AATF: variants seen among roughly 807,000 people sequenced by gnomAD.
AATF encodes protein AATF.
In AATF, 48 loss-of-function variants were observed where a neutral mutation model predicts 63.7. The ratio of observed to expected loss-of-function variants is 0.75; its 90% CI spans 0.60 to 0.96. AATF has a LOEUF of 0.96. Ranked by LOEUF, AATF falls within the 40% of genes least tolerant of loss-of-function variation. The pLI, the probability that AATF is intolerant of heterozygous loss-of-function variation, is 0.00. For missense variants in AATF, 639 were observed against 685.7 expected, an observed-to-expected ratio of 0.93 and a Z score of 0.76; for synonymous variants, 258 against 247.7, an observed-to-expected ratio of 1.04 and a Z score of -0.39.
At chr17:37,009,823 CAAAA>C (rs1160362372) in intron 8 of AATF, among the ~76,000 whole-genome samples, 15 of 28,780 alleles carry the variant, frequency 5.2e-4, no homozygotes, top group East Asian at 1.9e-3. Context: ...GACTCCGTCT[CAAAA>C]AAAAAAAAAA....
At chr17:37,012,163 C>T (rs1293852477) in intron 8 of AATF, among the ~76,000 whole-genome samples, 1 of 151,992 alleles carries the variant, frequency 6.6e-6, no homozygotes, top group African/African-American at 2.4e-5. Flanking sequence ...AGCGATTTCT[C>T]CTGCCTCAGC....
intron 9 of AATF, 92 bp from the exon 10 acceptor site, chr17:37,020,842 T>C: frequency 9.8e-7 from 1 of 1,021,462 alleles, no homozygotes; most frequent in African/African-American, 1.7e-5. Context: ...GATGATTTCT[T>C]TCTGCAGGGT....
rs180880222 is a variant in AATF, at chr17:36,999,628, G to A, written c.1398+8771G>A. Among the ~76,000 whole-genome samples the A allele has an allele frequency of 1.7e-3, 260 of 152,276 alleles. 2 individuals are homozygous for A. Among genetic ancestry groups the A allele is most frequent in the Non-Finnish European group, 2.8e-3 (190 of 68,036 alleles). The stretch of plus-strand genomic sequence containing the variant: ...CTAGCTTAGAGGTAGGATGAAACAG[G>A]GAACTACATTGTGACAAATGCAGTA... On this transcript the variant is annotated intron_variant, in intron 8 of 11. Coordinates refer to ENST00000619387, the MANE Select transcript of AATF (RefSeq NM_012138.4).
chr17:36,973,438 A>T (rs1044323138), intron 4 of AATF, among the ~76,000 whole-genome samples: 1 of 152,208 alleles, frequency 6.6e-6, no homozygotes, highest in Non-Finnish European at 1.5e-5. Flanking sequence ...AACTCTTTTC[A>T]TCTGAGGGTT....
chr17:37,010,193 G>A (rs1192802812), intron 8 of AATF, among the ~76,000 whole-genome samples: 4 of 152,134 alleles, frequency 2.6e-5, no homozygotes, highest in African/African-American at 4.8e-5. Context: ...GGTGGCTCAC[G>A]CCTATAATCC....
At chr17:36,990,047 T>TACAGTTAATAATTAATAG (rs1567975473) in intron 7 of AATF, among the ~76,000 whole-genome samples, 2 of 152,102 alleles carry the variant, frequency 1.3e-5, no homozygotes, top group African/African-American at 2.4e-5. Flanking sequence ...GTAACAAGTT[T>TACAGTTAATAATTAATAG]TTGGGTCTTT....
chr17:36,983,055 T>C (rs1237007024), intron 4 of AATF, among the ~76,000 whole-genome samples: 6 of 152,160 alleles, frequency 3.9e-5, no homozygotes, highest in African/African-American at 9.7e-5. Flanking sequence ...AAAATTTTAT[T>C]GTTAGAGACA....
At chr17:37,012,391 C>CA (rs1386675892) in intron 8 of AATF, among the ~76,000 whole-genome samples, 5 of 151,742 alleles carry the variant, frequency 3.3e-5, no homozygotes, top group African/African-American at 1.2e-4. Context: ...AGCTGAGAAC[C>CA]AAAAAAGGAG....
intron 8 of AATF, among the ~76,000 whole-genome samples, chr17:37,005,690 C>T (rs1335831789): frequency 1.3e-5 from 2 of 152,180 alleles, no homozygotes; most frequent in African/African-American, 4.8e-5. Context: ...ATCTAAAACC[C>T]TTCTTCCTGC....
chr17:37,037,698 T>C (rs971424385), intron 11 of AATF, among the ~76,000 whole-genome samples: 22 of 152,090 alleles, frequency 1.4e-4, no homozygotes, highest in Admixed American at 5.2e-4. Context: ...GTAAAGCCAG[T>C]GTTGGATGCT....
rs138690067 is a variant in AATF, at chr17:36,988,610, G to A, written c.1039G>A (p.Asp347Asn). 13 of 1,614,028 alleles carry A rather than the reference G, an allele frequency of 8.1e-6. No homozygotes were observed. The African/African-American group carries it at 1.2e-4, about 15-fold the overall frequency. The change falls in exon 6 of 12, where the codon GAC becomes AAC. Residue 347 changes from aspartate (D) to asparagine (N), a missense_variant. By Grantham distance (23) the Asp-to-Asn change is conservative (BLOSUM62 1). Coordinates refer to ENST00000619387, the MANE Select transcript of AATF (RefSeq NM_012138.4). ...TGCAAAGAGGAAGCTGGAGATGGAG[G>A]ACTATCCCAGCTTCATGGCAAAGCG... ...VPAKRKLEME[D>N]YPSFMAKRFA...
intron 8 of AATF, among the ~76,000 whole-genome samples, chr17:37,010,175 C>A (rs1597724354): frequency 6.6e-6 from 1 of 152,190 alleles, no homozygotes; most frequent in African/African-American, 2.4e-5. Flanking sequence ...TGTTTTCTGG[C>A]CGGGCGCGGT....
chr17:37,016,229 C>A (rs967922388), intron 8 of AATF, among the ~76,000 whole-genome samples: 3 of 152,118 alleles, frequency 2.0e-5, no homozygotes, highest in Admixed American at 2.0e-4. Context: ...TTATTTTATT[C>A]CTCAACTGTC....
chr17:36,968,670 G>A (rs985977308), intron 4 of AATF, among the ~76,000 whole-genome samples: 7 of 150,942 alleles, frequency 4.6e-5, no homozygotes, highest in Non-Finnish European at 7.4e-5. Flanking sequence ...CACCTAGACC[G>A]GAGTACAGTG....
At chr17:36,985,493 G>A in intron 4 of AATF, among the ~76,000 whole-genome samples, 2 of 150,100 alleles carry the variant, frequency 1.3e-5, no homozygotes, top group Non-Finnish European at 3.0e-5. Flanking sequence ...GTGTTGCTGA[G>A]GCTGGTCTTG....
intron 8 of AATF, among the ~76,000 whole-genome samples, chr17:37,002,903 G>GTTTT (rs35926577): frequency 6.3e-4 from 62 of 99,182 alleles, no homozygotes; most frequent in African/African-American, 7.4e-4. Flanking sequence ...TCCTGTTGCT[G>GTTTT]TTTTTTTTTT....
rs371045225 is a variant in AATF at position 36,949,111 on chromosome 17, C to T, written c.-15C>T. ...TTTACGTGCGCGAAGCGGAGTGGAC[C>T]GGGAGCTGGTGACGATGGCGGGGCC... On this transcript the variant is annotated 5_prime_UTR_variant, in exon 1 of 12. Transcript: ENST00000619387. 5.8e-5 allele frequency: 91 copies of T among 1,566,110 alleles called. No homozygotes were observed. The African/African-American group carries it at 7.5e-4, about 13-fold the overall frequency.
chr17:37,013,830 G>A lies in AATF; in HGVS notation c.1399-5175G>A, dbSNP rs71380130. Among the ~76,000 whole-genome samples the A allele has an allele frequency of 3.9e-3, 593 of 152,218 alleles. 4 individuals are homozygous for A. Among genetic ancestry groups the A allele is most frequent in the African/African-American group, 0.013 (541 of 41,544 alleles). On this transcript the variant is annotated intron_variant, in intron 8 of 11. Transcript: ENST00000619387. ...TGCCTGTTTTTAAAAGATTTGCCTA[G>A]TTTTCTGTGTAACTATTGCTGTTTT...
chr17:36,954,172 A>G (rs1187151294), intron 4 of AATF, among the ~76,000 whole-genome samples: 1 of 151,276 alleles, frequency 6.6e-6, no homozygotes, highest in Non-Finnish European at 1.5e-5. Context: ...GGCTCAAGCA[A>G]TCCTCCCACC....
Sources: gnomAD v4.1 joint callset for allele counts (sites outside exome capture counted in the v4.1 genomes callset) on GRCh38, gnomAD v4.1.1 for gene constraint, MANE v1.5 for transcripts, NCBI Gene and HGNC (gene_info 2026-07-23, HGNC 2026-07-21) for gene names.